DSG2: variants seen among roughly 807,000 people sequenced by gnomAD.
DSG2 encodes desmoglein-2.
DSG2 carries 45 observed loss-of-function variants against 75.6 expected under a neutral mutation model. That is an observed-to-expected ratio of 0.60 (90% confidence interval 0.47 to 0.76). The LOEUF is 0.76. Ranked by LOEUF, DSG2 falls within the 30% of genes least tolerant of loss-of-function variation. The pLI, the probability that DSG2 is intolerant of heterozygous loss-of-function variation, is 0.00. For missense variants in DSG2, 1,267 were observed against 1,357.4 expected, an observed-to-expected ratio of 0.93 and a Z score of 1.05; for synonymous variants, 429 against 483.9, an observed-to-expected ratio of 0.89 and a Z score of 1.49.
chr18:31,510,033 G>C (rs2073058607), intron 1 of DSG2, among the ~76,000 whole-genome samples: 1 of 152,196 alleles, frequency 6.6e-6, no homozygotes, highest in Non-Finnish European at 1.5e-5. Context: ...CAATAAAAGG[G>C]AGAAACAAAA....
chr18:31,522,132 C>T lies in DSG2; in HGVS notation c.573C>T (p.Thr191=). The part of the protein sequence containing the change: ...INATDADEPN[T]LNSKISYRIV... ...CAACAGATGCAGATGAGCCCAATAC[C>T]CTGAATTCGAAAATTTCCTATAGAA... Residue 191 remains threonine, a synonymous_variant, in exon 6 of 15, where the codon ACC becomes ACT. Coordinates refer to ENST00000261590, the MANE Select transcript of DSG2 (RefSeq NM_001943.5). 1 of 1,613,816 alleles carries T rather than the reference C, an allele frequency of 6.2e-7. No homozygotes were observed. The highest frequency in any genetic ancestry group is 1.1e-5 in the South Asian group (1 of 91,058).
rs150104663 is a variant in DSG2, at chr18:31,504,292, C to T, written c.45+5996C>T. On this transcript the variant is annotated intron_variant, in intron 1 of 14. Coordinates refer to ENST00000261590, the MANE Select transcript of DSG2 (RefSeq NM_001943.5). ...TCCATCCCACCACTCTTTCAAGCCC[C>T]CTACAATGCAAACAAAAACATTAAA... Among the ~76,000 whole-genome samples, 462 of 152,282 alleles carry T rather than the reference C, an allele frequency of 3.0e-3. 2 individuals are homozygous for T. Among genetic ancestry groups the T allele is most frequent in the African/African-American group, 0.011 (446 of 41,556 alleles).
rs567409741 is a variant in DSG2 at position 31,524,998 on chromosome 18, G to A, written c.1014+110G>A. The A allele has an allele frequency of 1.4e-3, 1,487 of 1,035,522 alleles. 28 individuals carry two copies. In the South Asian group the frequency reaches 0.019, roughly 13 times the overall value. 64.1% of individuals were successfully genotyped at this position (1,035,522 alleles called of 1,614,324 possible). On this transcript the variant is annotated intron_variant, in intron 8 of 14. Coordinates refer to ENST00000261590, the MANE Select transcript of DSG2 (RefSeq NM_001943.5). The stretch of plus-strand genomic sequence containing the variant: ...AGTGCTTTACATATTCAATTAACTA[G>A]CACTACAGTTGTTTGAGAAAGGAGC...
intron 9 of DSG2, among the ~76,000 whole-genome samples, chr18:31,533,978 ATTTCTTTTT>A (rs2073212908): frequency 7.0e-6 from 1 of 142,036 alleles, no homozygotes; most frequent in Non-Finnish European, 1.5e-5. Flanking sequence ...AATTACATAC[ATTTCTTTTT>A]TTTCTTTTTT....
rs925004196 is a variant in DSG2, at chr18:31,524,766, G to T, written c.892G>T (p.Ala298Ser). The change falls in exon 8 of 15, where the codon GCA becomes TCA. Residue 298 changes from alanine to serine, a missense_variant. Physicochemically the swap from Ala to Ser is moderately conservative, Grantham distance 99 (BLOSUM62 1). Transcript: ENST00000261590. ...VEVTRIKVFD[A>S]DEIGSDNWLA... Reference sequence around the variant, plus strand: ...AGTTACGCGCATAAAAGTGTTCGATGCAGATGAAATAGGTTCTGATAATTG... The same window carrying T: ...AGTTACGCGCATAAAAGTGTTCGATTCAGATGAAATAGGTTCTGATAATTG... 1 of 1,614,192 alleles carries T rather than the reference G, an allele frequency of 6.2e-7. No homozygotes were observed. Among genetic ancestry groups the T allele is most frequent in the Admixed American group, 1.7e-5 (1 of 60,028 alleles).
intron 9 of DSG2, among the ~76,000 whole-genome samples, chr18:31,534,453 C>A (rs534670048): frequency 3.3e-5 from 5 of 151,636 alleles, no homozygotes; most frequent in Non-Finnish European, 7.4e-5. Flanking sequence ...ATTATTACCC[C>A]AATAATCAAC....
intron 6 of DSG2, among the ~76,000 whole-genome samples, chr18:31,523,952 G>A (rs2073144749): frequency 6.6e-6 from 1 of 152,158 alleles, no homozygotes; most frequent in South Asian, 2.1e-4. Flanking sequence ...CCATAGTAAG[G>A]GGACCTCATG....
At position 31,534,236 on chromosome 18, in the gene DSG2, A is replaced by C. The variant is rs532066825; in HGVS notation, c.1281-1034A>C. On this transcript the variant is annotated intron_variant, in intron 9 of 14. Transcript: ENST00000261590. ...CTCCTGACCTCAGGTGGTCCATCCAACTCGGCTTCCCGAAGTGCTAGGATT... is the reference window on the plus strand; with the variant it reads ...CTCCTGACCTCAGGTGGTCCATCCACCTCGGCTTCCCGAAGTGCTAGGATT... Among the ~76,000 whole-genome samples the C allele has an allele frequency of 7.7e-3, 1,163 of 151,966 alleles. 17 individuals are homozygous for C. Among genetic ancestry groups the C allele is most frequent in the African/African-American group, 0.027 (1,118 of 41,488 alleles).
chr18:31,503,291 G>A (rs1213264350), intron 1 of DSG2, among the ~76,000 whole-genome samples: 1 of 152,208 alleles, frequency 6.6e-6, no homozygotes, highest in Non-Finnish European at 1.5e-5. Flanking sequence ...GTACCATGGA[G>A]CCTATAGAAG....
intron 12 of DSG2, among the ~76,000 whole-genome samples, chr18:31,540,363 G>A (rs1406826177): frequency 1.3e-5 from 2 of 152,116 alleles, no homozygotes; most frequent in Non-Finnish European, 1.5e-5. Context: ...GATACATAAC[G>A]GTAAATGACT....
chr18:31,515,551 TTC>T (rs2073089902), intron 1 of DSG2, among the ~76,000 whole-genome samples: 1 of 152,332 alleles, frequency 6.6e-6, no homozygotes, highest in East Asian at 1.9e-4. Flanking sequence ...TCCCTTGCTT[TTC>T]ATACCATGCC....
In DSG2 at chr18:31,534,508, A is replaced by ATTTT. The variant is rs80270967; in HGVS notation, c.1281-745_1281-742dup. The stretch of plus-strand genomic sequence containing the variant: ...ATGCTTCCGTTTAAAATGATCATTG[A>ATTTT]TTTTTTTTTTTTTTTTTTTTGAGAT... On this transcript the variant is annotated intron_variant, in intron 9 of 14. Transcript: ENST00000261590. Among the ~76,000 whole-genome samples the ATTTT allele has an allele frequency of 8.7e-3, 984 of 112,544 alleles. 35 individuals are homozygous for ATTTT. The highest frequency in any genetic ancestry group is 0.022 in the African/African-American group (635 of 29,170). The allele number at this position is 112,544 out of a possible 152,430, so 73.8% of individuals were successfully genotyped here.
Position 31,519,906 on chromosome 18 carries a change from A to G in DSG2, c.185A>G (p.Glu62Gly), listed in dbSNP as rs748355588. 2 of 1,614,134 alleles carry G rather than the reference A, an allele frequency of 1.2e-6. No homozygotes were observed. Among genetic ancestry groups the G allele is most frequent in the Non-Finnish European group, 1.7e-6 (2 of 1,180,020 alleles). ...ITAPVALREG[E>G]DLSKKNPIAK... ...GCCCCCGTGGCTCTTCGGGAGGGAGAGGATCTGTCCAAGAAGAATCCAATT... is the reference window on the plus strand; with the variant it reads ...GCCCCCGTGGCTCTTCGGGAGGGAGGGGATCTGTCCAAGAAGAATCCAATT... Residue 62 changes from glutamate (E) to glycine (G), a missense_variant, in exon 3 of 15, where the codon GAG becomes GGG. Coordinates refer to ENST00000261590, the MANE Select transcript of DSG2 (RefSeq NM_001943.5).
At chr18:31,520,069 T>A in intron 3 of DSG2, 132 bp downstream of exon 3, 1 of 1,192,040 alleles carries the variant, frequency 8.4e-7, no homozygotes, top group Non-Finnish European at 1.2e-6. Context: ...TCAAGATATA[T>A]CTGAAAATTA....
In DSG2 at chr18:31,548,455, C is replaced by CGG. The variant is rs1393613518; in HGVS notation, c.*1712_*1713insGG. The CGG allele has an allele frequency of 1.3e-5, 2 of 151,838 alleles. No individual in the cohort carries two copies. The highest frequency in any genetic ancestry group is 4.8e-5 in the African/African-American group (2 of 41,270). 9.4% of individuals were successfully genotyped at this position (151,838 alleles called of 1,614,324 possible). On this transcript the variant is annotated 3_prime_UTR_variant, in exon 15 of 15. Coordinates refer to ENST00000261590, the MANE Select transcript of DSG2 (RefSeq NM_001943.5). ...GATTTATATAGTGTGCTCCCACTAACTGTACAGATCAGGACACATATTTTT... is the reference window on the plus strand; with the variant it reads ...GATTTATATAGTGTGCTCCCACTAACGGTGTACAGATCAGGACACATATTTTT...
chr18:31,518,305 C>T, intron 2 of DSG2, 31 bp downstream of exon 2: 1 of 1,597,866 alleles, frequency 6.3e-7, no homozygotes, highest in African/African-American at 1.3e-5. Context: ...TTTCTGCCTT[C>T]TGACTCAGGA....
intron 1 of DSG2, among the ~76,000 whole-genome samples, chr18:31,511,351 C>T (rs570160396): frequency 3.9e-5 from 6 of 152,292 alleles, no homozygotes; most frequent in African/African-American, 9.6e-5. Flanking sequence ...CAACCAGAAA[C>T]GTCTCCAGAC....
intron 1 of DSG2, among the ~76,000 whole-genome samples, chr18:31,503,345 A>G (rs1171210414): frequency 6.6e-6 from 1 of 152,214 alleles, no homozygotes; most frequent in Non-Finnish European, 1.5e-5. Context: ...GTATCTGAGA[A>G]TAATTATAAA....
In DSG2 at chr18:31,516,120, C is replaced by T. The variant is rs534498784; in HGVS notation, c.46-2119C>T. On this transcript the variant is annotated intron_variant, in intron 1 of 14. Transcript: ENST00000261590. ...GGGATATAGAGCAATAGATTGTTAA[C>T]AGAAACAAGAGAGGGATCTGGTTTT... 1.8e-4 allele frequency among the ~76,000 whole-genome samples: 27 copies of T among 149,110 alleles called. No individual in the cohort carries two copies. The South Asian group carries it at 4.4e-3, about 24-fold the overall frequency.
Sources: gnomAD v4.1 joint callset for allele counts (sites outside exome capture counted in the v4.1 genomes callset) on GRCh38, gnomAD v4.1.1 for gene constraint, MANE v1.5 for transcripts, NCBI Gene and HGNC (gene_info 2026-07-23, HGNC 2026-07-21) for gene names.